The following PCDH11Y variants were observed in gnomAD, a reference collection of about 807,000 sequenced individuals.
PCDH11Y encodes protocadherin-11 Y-linked.
For synonymous variants in PCDH11Y, 9 were observed against 83.6 expected, an observed-to-expected ratio of 0.11 and a Z score of 4.87; for missense variants, 12 against 224.8, an observed-to-expected ratio of 0.05 and a Z score of 6.05.
chrY:5,078,931 C>A (rs1602857894), intron 1 of PCDH11Y, among the ~76,000 whole-genome samples: 6 of 33,470 alleles, frequency 1.8e-4, no homozygotes, highest in African/African-American at 4.7e-4. Flanking sequence ...ATAAGGCAAG[C>A]CCCTTCCACC....
chrY:5,606,355 T>C (rs2053478788), intron 4 of PCDH11Y, among the ~76,000 whole-genome samples: 1 of 15,775 alleles, frequency 6.3e-5, no homozygotes, highest in African/African-American at 2.6e-4. Context: ...GAGTGTGATA[T>C]TCCCCTTCCT....
chrY:5,306,519 A>C, intron 2 of PCDH11Y, among the ~76,000 whole-genome samples: 1 of 32,970 alleles, frequency 3.0e-5, no homozygotes, highest in Non-Finnish European at 7.5e-5. Context: ...AAAGTACCCA[A>C]TGGGCTGAGT....
At chrY:5,424,991 TA>T (rs2053262024) in intron 2 of PCDH11Y, among the ~76,000 whole-genome samples, 2 of 32,657 alleles carry the variant, frequency 6.1e-5, no homozygotes, top group South Asian at 1.4e-3. Context: ...ATGGTAATTT[TA>T]AAATATTTAT....
At chrY:5,712,218 C>A in intron 4 of PCDH11Y, among the ~76,000 whole-genome samples, 1 of 32,014 alleles carries the variant, frequency 3.1e-5, no homozygotes, top group Admixed American at 2.8e-4. Flanking sequence ...TTAGGCAGGT[C>A]AGATATGGTT....
chrY:5,033,094 C>T (rs1277527769), intron 3 of PCDH11Y, among the ~76,000 whole-genome samples: 431 of 29,938 alleles, frequency 0.014, no homozygotes, highest in Admixed American at 0.11. Flanking sequence ...CCCTCTGGAT[C>T]GTGCAAAGAT....
chrY:5,341,416 T>C, intron 2 of PCDH11Y, among the ~76,000 whole-genome samples: 1 of 33,092 alleles, frequency 3.0e-5, no homozygotes, highest in Non-Finnish European at 7.4e-5. Flanking sequence ...CCAGCAAATT[T>C]ATTTTATAAT....
intron 2 of PCDH11Y, among the ~76,000 whole-genome samples, chrY:5,166,861 T>C (rs2052879559): frequency 3.1e-5 from 1 of 32,285 alleles, no homozygotes; most frequent in Non-Finnish European, 7.6e-5. Context: ...GTAGACAGTA[T>C]ACGAAAAATC....
At chrY:5,125,062 C>T (rs2052823752) in intron 2 of PCDH11Y, among the ~76,000 whole-genome samples, 1 of 32,810 alleles carries the variant, frequency 3.0e-5, no homozygotes, top group African/African-American at 1.2e-4. Context: ...AGGTATGGTG[C>T]CAAGAATTTA....
chrY:5,432,371 C>G (rs2053269715), intron 2 of PCDH11Y, among the ~76,000 whole-genome samples: 1 of 33,106 alleles, frequency 3.0e-5, no homozygotes, highest in Non-Finnish European at 7.5e-5. Context: ...CAAAATTACT[C>G]TGTTTTTATC....
At chrY:5,191,278 C>T (rs2052912185) in intron 2 of PCDH11Y, among the ~76,000 whole-genome samples, 1 of 31,822 alleles carries the variant, frequency 3.1e-5, no homozygotes, top group Admixed American at 2.9e-4. Context: ...ACGTTGTGCA[C>T]ATGTACCCCA....
At chrY:5,613,199 C>G (rs2053489814) in intron 4 of PCDH11Y, among the ~76,000 whole-genome samples, 1 of 31,597 alleles carries the variant, frequency 3.2e-5, no homozygotes, top group Non-Finnish European at 7.6e-5. Flanking sequence ...CTCTTGCCAA[C>G]AGGTTTTTTT....
intron 2 of PCDH11Y, among the ~76,000 whole-genome samples, chrY:5,471,888 C>A: frequency 6.1e-5 from 2 of 32,641 alleles, no homozygotes; most frequent in African/African-American, 1.2e-4. Flanking sequence ...ATTTCTACAG[C>A]GTTTGAAACA....
chrY:5,320,411 A>C, intron 2 of PCDH11Y, among the ~76,000 whole-genome samples: 1 of 33,593 alleles, frequency 3.0e-5, no homozygotes, highest in South Asian at 6.5e-4. Context: ...TCCTAGAAAA[A>C]TCTTAGAGAA....
chrY:5,366,730 T>C, intron 2 of PCDH11Y, among the ~76,000 whole-genome samples: 1 of 28,562 alleles, frequency 3.5e-5, no homozygotes, highest in African/African-American at 1.4e-4. Flanking sequence ...TTTCTTTTTT[T>C]TTTTTTTTTT....
chrY:5,271,226 A>AT lies in PCDH11Y; in HGVS notation c.3129+170530dup, dbSNP rs200471790. Among the ~76,000 whole-genome samples the AT allele has an allele frequency of 2.5e-3, 73 of 29,658 alleles. No homozygotes were observed. The East Asian group carries it at 0.054, about 22-fold the overall frequency. 79.6% of individuals were successfully genotyped at this position (29,658 alleles called of 37,273 possible). On this transcript the variant is annotated intron_variant, in intron 2 of 4. Coordinates refer to the PCDH11Y transcript ENST00000400457. ...CAGGGGTGCCAAGGAAAATAGTACTATTTTTTTTTTTATCTGAGAAGATCA... is the reference window on the plus strand; with the variant it reads ...CAGGGGTGCCAAGGAAAATAGTACTATTTTTTTTTTTTATCTGAGAAGATCA...
intron 2 of PCDH11Y, among the ~76,000 whole-genome samples, chrY:5,238,779 C>G (rs2052983301): frequency 3.0e-5 from 1 of 33,330 alleles, no homozygotes; most frequent in African/African-American, 1.2e-4. Context: ...TGAACAGACA[C>G]TTCTCAAAAG....
intron 2 of PCDH11Y, among the ~76,000 whole-genome samples, chrY:5,179,835 G>C: frequency 3.0e-5 from 1 of 33,266 alleles, no homozygotes; most frequent in South Asian, 6.6e-4. Flanking sequence ...TCAATTTTCT[G>C]TGTATGGCTA....
chrY:5,677,987 A>G, intron 4 of PCDH11Y, among the ~76,000 whole-genome samples: 3 of 33,163 alleles, frequency 9.0e-5, no homozygotes, highest in Non-Finnish European at 1.5e-4. Flanking sequence ...ATAATTATAG[A>G]TAGTTTCAGA....
At chrY:5,365,648 T>G (rs2053179521) in intron 2 of PCDH11Y, among the ~76,000 whole-genome samples, 24 of 33,295 alleles carry the variant, frequency 7.2e-4, no homozygotes, top group Non-Finnish European at 3.0e-4. Context: ...GGATTGTTAT[T>G]GATATTATTT....
Sources: allele counts gnomAD v4.1 joint callset (sites outside exome capture counted in the v4.1 genomes callset), GRCh38; gene constraint gnomAD v4.1.1; transcripts MANE v1.5; gene names NCBI Gene and HGNC (gene_info 2026-07-23, HGNC 2026-07-21).